CNTN4: variants seen among roughly 807,000 people sequenced by gnomAD.
The protein encoded by CNTN4 is contactin-4.
Under a neutral mutation model 122.5 loss-of-function variants are expected in CNTN4, and 77 were observed. The observed-to-expected ratio is 0.63, with a 90% CI of 0.52 to 0.76. CNTN4 has a LOEUF of 0.76. CNTN4 is among the 30% of genes least tolerant of loss of function. The probability of loss-of-function intolerance (pLI) is 0.00; values close to 1 mark genes in which losing one functional copy is unlikely to be tolerated. For missense variants in CNTN4, 1,256 were observed against 1,259.1 expected (o/e 1.00, Z 0.04); for synonymous variants, 512 against 447.0 (o/e 1.15, Z -1.83).
At chr3:2,603,632 T>C (rs1473278451) in intron 4 of CNTN4, among the ~76,000 whole-genome samples, 1 of 152,234 alleles carries the variant, frequency 6.6e-6, no homozygotes, top group African/African-American at 2.4e-5. Flanking sequence ...AAAGATTTTT[T>C]GCCTTATTTC....
intron 6 of CNTN4, among the ~76,000 whole-genome samples, chr3:2,803,558 C>CT (rs34822164): frequency 0.19 from 27,354 of 140,656 alleles, 3,238 homozygotes; most frequent in Non-Finnish European, 0.28. Flanking sequence ...GTGGTAAATT[C>CT]TTTTTTTTTT....
At position 2,866,511 on chromosome 3, in the gene CNTN4, C is replaced by T. The variant is rs571860810; in HGVS notation, c.455-241C>T. 1.8e-4 allele frequency: 244 copies of T among 1,325,048 alleles called. 3 individuals carry two copies. In the South Asian group the frequency reaches 3.5e-3, roughly 19 times the overall value. The allele number at this position is 1,325,048 out of a possible 1,614,324, so 82.1% of individuals were successfully genotyped here. A position where few individuals can be genotyped will look rare whatever the true frequency, so the allele number is the denominator to read the frequency against. ...CCCTTGACTTAAAGAGGTTGGACAT[C>T]GCTTAATCAGCTATCAGTGTATCTT... On this transcript the variant is annotated intron_variant, in intron 7 of 24. Transcript: ENST00000418658.
At chr3:2,918,835 C>A (rs186890118) in intron 12 of CNTN4, among the ~76,000 whole-genome samples, 3 of 152,234 alleles carry the variant, frequency 2.0e-5, no homozygotes, top group Non-Finnish European at 4.4e-5. Context: ...TGGAAGTTCA[C>A]GAAGCCATTC....
chr3:2,365,035 G>A lies in CNTN4; in HGVS notation c.-89+25802G>A, dbSNP rs573657718. On this transcript the variant is annotated intron_variant, in intron 3 of 24. Transcript: ENST00000418658. ...TTGATATTTCGTGTGTATTTCACCT[G>A]GTAACTTAAGTACGTTTCTAAATTT... Among the ~76,000 whole-genome samples, 12 of 152,134 alleles carry A rather than the reference G, an allele frequency of 7.9e-5. No individual in the cohort carries two copies. The East Asian group carries it at 1.7e-3, about 22-fold the overall frequency.
Position 2,929,453 on chromosome 3 carries a change from A to C in CNTN4, c.1358+3674A>C, listed in dbSNP as rs191964744. ...CTAGGATTATAAGGAGCTATACAAC[A>C]ATTGTATCAACCCAGGGTGGATGCT... On this transcript the variant is annotated intron_variant, in intron 13 of 24. Coordinates refer to ENST00000418658, the MANE Select transcript of CNTN4 (RefSeq NM_175607.3). 1.0e-3 allele frequency among the ~76,000 whole-genome samples: 156 copies of C among 152,334 alleles called. 1 individual carries two copies. Among genetic ancestry groups the C allele is most frequent in the African/African-American group, 3.5e-3 (145 of 41,572 alleles).
At chr3:2,412,254 CTTT>C (rs765865403) in intron 3 of CNTN4, among the ~76,000 whole-genome samples, 1 of 145,790 alleles carries the variant, frequency 6.9e-6, no homozygotes, top group African/African-American at 2.5e-5. Context: ...TTTACAAATA[CTTT>C]TTTTTTTTTT....
intron 2 of CNTN4, among the ~76,000 whole-genome samples, chr3:2,248,711 C>T (rs1449682319): frequency 4.6e-5 from 7 of 151,900 alleles, no homozygotes; most frequent in African/African-American, 7.2e-5. Context: ...CACTCTCTTC[C>T]GTTAATACTG....
intron 7 of CNTN4, among the ~76,000 whole-genome samples, chr3:2,861,603 C>T (rs900739905): frequency 6.6e-6 from 1 of 152,062 alleles, no homozygotes; most frequent in Admixed American, 6.6e-5. Context: ...TTTATTAAAG[C>T]CAAAATTTGT....
At chr3:2,983,819 G>C (rs1694290261) in intron 13 of CNTN4, among the ~76,000 whole-genome samples, 1 of 152,146 alleles carries the variant, frequency 6.6e-6, no homozygotes. Flanking sequence ...CCAAAGAATA[G>C]TTTATCAAAC....
intron 2 of CNTN4, among the ~76,000 whole-genome samples, chr3:2,310,003 G>A (rs1306031781): frequency 6.6e-6 from 1 of 152,096 alleles, no homozygotes; most frequent in Non-Finnish European, 1.5e-5. Flanking sequence ...TGATGTTTAT[G>A]TCCCTACCTC....
At chr3:2,802,062 C>T (rs2092361208) in intron 6 of CNTN4, among the ~76,000 whole-genome samples, 1 of 152,118 alleles carries the variant, frequency 6.6e-6, no homozygotes, top group Non-Finnish European at 1.5e-5. Context: ...TTTGTTCTTG[C>T]CATTATTATC....
chr3:2,553,574 C>T (rs2078601033), intron 3 of CNTN4, among the ~76,000 whole-genome samples: 1 of 151,964 alleles, frequency 6.6e-6, no homozygotes. Context: ...GATCAAATGT[C>T]AAATATGATG....
intron 3 of CNTN4, among the ~76,000 whole-genome samples, chr3:2,554,002 G>A (rs2078620451): frequency 6.6e-6 from 1 of 152,080 alleles, no homozygotes; most frequent in Non-Finnish European, 1.5e-5. Context: ...GAATAAAAAA[G>A]TTATCTCAAT....
chr3:2,696,037 ATG>A (rs1207934445), intron 4 of CNTN4, among the ~76,000 whole-genome samples: 1 of 152,174 alleles, frequency 6.6e-6, no homozygotes, highest in African/African-American at 2.4e-5. Context: ...TTATGTGTAT[ATG>A]TGTGTCTATC....
At chr3:2,769,037 C>A (rs1410471113) in intron 6 of CNTN4, among the ~76,000 whole-genome samples, 1 of 152,172 alleles carries the variant, frequency 6.6e-6, no homozygotes, top group Non-Finnish European at 1.5e-5. Context: ...AGAAACACAT[C>A]CTTACTAGTA....
At chr3:2,760,077 A>G (rs2090519493) in intron 6 of CNTN4, among the ~76,000 whole-genome samples, 2 of 152,220 alleles carry the variant, frequency 1.3e-5, no homozygotes, top group Admixed American at 1.3e-4. Context: ...TTCCTCATAC[A>G]AGCGCCTTGT....
intron 6 of CNTN4, among the ~76,000 whole-genome samples, chr3:2,779,386 G>T (rs1005096383): frequency 2.6e-5 from 4 of 152,002 alleles, no homozygotes; most frequent in Non-Finnish European, 5.9e-5. Context: ...TTTTGTAGAG[G>T]CTGGGTTTCA....
chr3:2,294,750 A>G (rs1259046457), intron 2 of CNTN4, among the ~76,000 whole-genome samples: 1 of 152,166 alleles, frequency 6.6e-6, no homozygotes, highest in African/African-American at 2.4e-5. Flanking sequence ...CTATGTATAC[A>G]TGTGCCATGT....
At chr3:2,326,437 G>C (rs2150249810) in intron 2 of CNTN4, among the ~76,000 whole-genome samples, 1 of 151,578 alleles carries the variant, frequency 6.6e-6, no homozygotes, top group East Asian at 1.9e-4. Flanking sequence ...CAGATTTTGG[G>C]ACTTGTCAGC....
Sources: gnomAD v4.1 joint callset for allele counts (sites outside exome capture counted in the v4.1 genomes callset) on GRCh38, gnomAD v4.1.1 for gene constraint, MANE v1.5 for transcripts, NCBI Gene and HGNC (gene_info 2026-07-23, HGNC 2026-07-21) for gene names.